The following TIAM2 variants were observed in gnomAD, a reference collection of about 807,000 sequenced individuals.
TIAM2 encodes the protein rho guanine nucleotide exchange factor TIAM2.
A neutral mutation model predicts 152.9 loss-of-function variants in TIAM2; 80 were observed. That is an observed-to-expected ratio of 0.52 (90% CI 0.44 to 0.63). The LOEUF (loss-of-function observed/expected upper bound fraction) is 0.63, where lower values mean the gene tolerates loss of function less well. Ranked by LOEUF, TIAM2 falls within the 30% of genes least tolerant of loss-of-function variation. The probability of loss-of-function intolerance (pLI) is 0.00; values close to 1 mark genes in which losing one functional copy is unlikely to be tolerated. For synonymous variants in TIAM2, 804 were observed against 838.0 expected (o/e 0.96, Z 0.70); for missense variants, 1,965 against 2,120.1 (o/e 0.93, Z 1.44).
chr6:155,135,240 C>A (rs1487048412), intron 4 of TIAM2, among the ~76,000 whole-genome samples: 1 of 152,086 alleles, frequency 6.6e-6, no homozygotes, highest in African/African-American at 2.4e-5. Flanking sequence ...GAAGTACTCT[C>A]CAGTTGTGTG....
chr6:155,207,709 C>G (rs552616937), intron 14 of TIAM2, among the ~76,000 whole-genome samples: 7 of 152,280 alleles, frequency 4.6e-5, no homozygotes, highest in African/African-American at 1.4e-4. Context: ...TGATTCAAAG[C>G]TAAGCCTTTA....
At chr6:155,148,372 C>T in intron 7 of TIAM2, 38 bp downstream of exon 7, 3 of 1,578,328 alleles carry the variant, frequency 1.9e-6, no homozygotes, top group South Asian at 1.1e-5. Flanking sequence ...TTCCATTGCT[C>T]ATGTCACTTG....
At chr6:155,199,261 A>G (rs940317847) in intron 14 of TIAM2, among the ~76,000 whole-genome samples, 2 of 152,084 alleles carry the variant, frequency 1.3e-5, no homozygotes, top group Admixed American at 6.5e-5. Context: ...TTTTTTAAAT[A>G]GAGACAGGGT....
chr6:155,194,975 G>T (rs909499088), intron 14 of TIAM2, among the ~76,000 whole-genome samples: 7 of 152,162 alleles, frequency 4.6e-5, no homozygotes, highest in Admixed American at 1.3e-4. Flanking sequence ...TGTGAAGAAA[G>T]ACATGTTTGC....
chr6:155,228,401 T>C (rs996734345), intron 15 of TIAM2, among the ~76,000 whole-genome samples: 1 of 152,114 alleles, frequency 6.6e-6, no homozygotes, highest in African/African-American at 2.4e-5. Flanking sequence ...CATGAATATA[T>C]AAAAAGAAAA....
At chr6:155,065,082 T>G (rs1295698337) in intron 1 of TIAM2, among the ~76,000 whole-genome samples, 3 of 152,092 alleles carry the variant, frequency 2.0e-5, no homozygotes, top group African/African-American at 7.2e-5. Context: ...GCTTCCTGAG[T>G]AGCTGGGACT....
rs1342928828 is a variant in TIAM2 at position 155,252,009 on chromosome 6, G to A, written c.4119+6G>A. ...GCAAACTGAAAAAGAAATTGGTAAG[G>A]CAAAAATTCATTTTAATTTAAGCTA... On this transcript the variant is annotated splice_donor_region_variant and intron_variant, in intron 23 of 26. Coordinates refer to ENST00000682666, the MANE Select transcript of TIAM2 (RefSeq NM_012454.4). 1 of 1,600,402 alleles carries A rather than the reference G, an allele frequency of 6.2e-7. No individual in the cohort carries two copies. Among genetic ancestry groups the A allele is most frequent in the South Asian group, 1.1e-5 (1 of 89,280 alleles).
chr6:155,022,663 C>T (rs902036619), intron 1 of TIAM2: 1 of 152,240 alleles, frequency 6.6e-6, no homozygotes, highest in Non-Finnish European at 1.5e-5. Flanking sequence ...GAGAAACTCA[C>T]AAGCAACAGG....
chr6:155,017,919 G>A (rs1488264720), intron 1 of TIAM2, among the ~76,000 whole-genome samples: 1 of 152,176 alleles, frequency 6.6e-6, no homozygotes, highest in Admixed American at 6.5e-5. Flanking sequence ...GGGCTGTGAA[G>A]CACTTTGAAA....
intron 9 of TIAM2, 115 bp downstream of exon 9, chr6:155,165,524 G>C: frequency 7.1e-7 from 1 of 1,412,684 alleles, no homozygotes; most frequent in African/African-American, 1.4e-5. Context: ...ATGAGGCGAG[G>C]TGGGGTGGCT....
At chr6:155,251,140 T>C (rs1013459077) in intron 22 of TIAM2, 119 bp downstream of exon 22, 20 of 840,494 alleles carry the variant, frequency 2.4e-5, no homozygotes, top group Admixed American at 1.6e-4. Flanking sequence ...GCTATAATGG[T>C]TGGGGACTTA....
chr6:155,249,609 T>C (rs569122134), intron 20 of TIAM2, among the ~76,000 whole-genome samples: 7 of 152,228 alleles, frequency 4.6e-5, no homozygotes, highest in East Asian at 3.8e-4. Flanking sequence ...TTATTAGTGA[T>C]ACTTTTCACT....
At chr6:155,088,312 C>T (rs1778220094) in intron 1 of TIAM2, among the ~76,000 whole-genome samples, 1 of 152,114 alleles carries the variant, frequency 6.6e-6, no homozygotes, top group South Asian at 2.1e-4. Flanking sequence ...AACTCACGAC[C>T]TCAGGTGATC....
rs1370125303 is a variant in TIAM2, at chr6:155,183,435, C to T, written c.2999C>T (p.Pro1000Leu). The change falls in exon 14 of 27, where the codon CCC (proline) becomes CTC (leucine). Residue 1000 changes from proline (P) to leucine (L), a missense_variant. Pro to Leu is a moderately conservative substitution (Grantham distance 98). Coordinates refer to ENST00000682666, the MANE Select transcript of TIAM2 (RefSeq NM_012454.4). The stretch of plus-strand genomic sequence containing the variant: ...TCCAGGGACCAGAAGAGTCTGCTGC[C>T]CCCTCCTAACCAGTCCCAACTGCTG... The part of the protein sequence containing the change: ...LFSRDQKSLL[P>L]PPNQSQLLEE... 5 of 1,614,090 alleles carry T rather than the reference C, an allele frequency of 3.1e-6. No homozygotes were observed. The South Asian group carries it at 3.3e-5, about 11-fold the overall frequency.
At chr6:155,144,828 A>G in intron 6 of TIAM2, 50 bp downstream of exon 6, 3 of 1,535,694 alleles carry the variant, frequency 2.0e-6, no homozygotes, top group Non-Finnish European at 2.6e-6. Context: ...TACTGCTAGA[A>G]TAAGAAGGAA....
intron 20 of TIAM2, among the ~76,000 whole-genome samples, chr6:155,248,437 G>A: frequency 6.6e-6 from 1 of 152,206 alleles, no homozygotes; most frequent in East Asian, 1.9e-4. Flanking sequence ...TCCTATGCAG[G>A]GATGATTCTG....
intron 1 of TIAM2, among the ~76,000 whole-genome samples, chr6:155,047,944 G>T (rs1040087869): frequency 1.3e-5 from 2 of 152,032 alleles, no homozygotes; most frequent in Non-Finnish European, 1.5e-5. Context: ...CTCAGCAAGG[G>T]TTATTTTATT....
intron 2 of TIAM2, among the ~76,000 whole-genome samples, chr6:155,122,799 G>A (rs73575610): frequency 0.17 from 25,606 of 150,882 alleles, 5,678 homozygotes; most frequent in African/African-American, 0.52. Flanking sequence ...GCGGGTGACT[G>A]TACGTATACA....
At chr6:155,096,946 G>T (rs1274819047) in intron 2 of TIAM2, among the ~76,000 whole-genome samples, 1 of 152,160 alleles carries the variant, frequency 6.6e-6, no homozygotes, top group Non-Finnish European at 1.5e-5. Flanking sequence ...CATAGTGATT[G>T]TACTAATTCG....
Sources: allele counts gnomAD v4.1 joint callset (sites outside exome capture counted in the v4.1 genomes callset), GRCh38; gene constraint gnomAD v4.1.1; transcripts MANE v1.5; gene names NCBI Gene and HGNC (gene_info 2026-07-23, HGNC 2026-07-21).